KCNK13: variants seen among roughly 807,000 people sequenced by gnomAD.
KCNK13 encodes potassium two pore domain channel subfamily K member 13, also known as potassium channel subfamily K member 13.
A neutral mutation model predicts 23.4 loss-of-function variants in KCNK13; 12 were observed. The ratio of observed to expected loss-of-function variants is 0.51; its 90% confidence interval spans 0.33 to 0.83. The LOEUF is 0.83. Among genes scored for constraint, KCNK13 ranks in the 40% least tolerant of loss-of-function variants. The probability of loss-of-function intolerance (pLI) is 0.02; values close to 1 mark genes in which losing one functional copy is unlikely to be tolerated. For synonymous variants in KCNK13, 231 were observed against 229.5 expected, an observed-to-expected ratio of 1.01 and a Z score of -0.06; for missense variants, 463 against 556.3, an observed-to-expected ratio of 0.83 and a Z score of 1.69.
chr14:90,178,452 G>A (rs574916206), intron 1 of KCNK13, among the ~76,000 whole-genome samples: 22 of 151,826 alleles, frequency 1.4e-4, no homozygotes, highest in African/African-American at 4.3e-4. Flanking sequence ...CCACCACCCC[G>A]GCTAATTTTG....
chr14:90,094,925 G>A (rs972189445), intron 1 of KCNK13, among the ~76,000 whole-genome samples: 1 of 152,120 alleles, frequency 6.6e-6, no homozygotes, highest in Non-Finnish European at 1.5e-5. Context: ...GGGATTACAG[G>A]CGTGAGCCAC....
chr14:90,157,312 G>T (rs190384562), intron 1 of KCNK13, among the ~76,000 whole-genome samples: 1 of 152,264 alleles, frequency 6.6e-6, no homozygotes, highest in African/African-American at 2.4e-5. Flanking sequence ...CTGTACTCGT[G>T]CAGGCCCTTT....
intron 1 of KCNK13, among the ~76,000 whole-genome samples, chr14:90,119,446 G>A (rs1046980860): frequency 1.3e-5 from 2 of 152,048 alleles, no homozygotes; most frequent in African/African-American, 2.4e-5. Flanking sequence ...AATCCACCAC[G>A]ATCAAGTAGG....
At chr14:90,142,663 AT>A (rs1376992589) in intron 1 of KCNK13, among the ~76,000 whole-genome samples, 2 of 152,162 alleles carry the variant, frequency 1.3e-5, no homozygotes, top group Non-Finnish European at 2.9e-5. Flanking sequence ...AACATGTTTC[AT>A]TTCCAAGTGA....
At chr14:90,096,659 T>C (rs1157697287) in intron 1 of KCNK13, among the ~76,000 whole-genome samples, 2 of 152,208 alleles carry the variant, frequency 1.3e-5, no homozygotes, top group African/African-American at 2.4e-5. Flanking sequence ...TAAGGATACA[T>C]ACAGGGGTAG....
At chr14:90,070,743 C>T (rs567990885) in intron 1 of KCNK13, among the ~76,000 whole-genome samples, 1 of 152,216 alleles carries the variant, frequency 6.6e-6, no homozygotes, top group Non-Finnish European at 1.5e-5. Flanking sequence ...GCTTTTAAAG[C>T]ACTTTAATGT....
At chr14:90,125,266 G>A (rs1365220976) in intron 1 of KCNK13, among the ~76,000 whole-genome samples, 4 of 149,512 alleles carry the variant, frequency 2.7e-5, no homozygotes, top group Admixed American at 1.3e-4. Context: ...CTCTGTCGCC[G>A]AGGCTGGAGT....
At chr14:90,085,027 C>T (rs943893902) in intron 1 of KCNK13, among the ~76,000 whole-genome samples, 3 of 152,168 alleles carry the variant, frequency 2.0e-5, no homozygotes, top group African/African-American at 4.8e-5. Context: ...ACTGCAACCT[C>T]TGCCTCCCAG....
chr14:90,097,898 G>A (rs550306547), intron 1 of KCNK13, among the ~76,000 whole-genome samples: 9 of 152,254 alleles, frequency 5.9e-5, no homozygotes, highest in African/African-American at 1.7e-4. Context: ...TATAATGAGG[G>A]GCAGAGGAAG....
intron 1 of KCNK13, among the ~76,000 whole-genome samples, chr14:90,158,842 C>T (rs968423696): frequency 1.3e-5 from 2 of 152,188 alleles, no homozygotes; most frequent in Non-Finnish European, 2.9e-5. Context: ...TGGGACAGGC[C>T]GTAAGAGGAA....
At chr14:90,183,115 C>G (rs1698819186) in intron 1 of KCNK13, among the ~76,000 whole-genome samples, 1 of 152,094 alleles carries the variant, frequency 6.6e-6, no homozygotes, top group South Asian at 2.1e-4. Context: ...ATCCATTGTT[C>G]TACAATATGC....
At chr14:90,079,213 T>C (rs528474814) in intron 1 of KCNK13, among the ~76,000 whole-genome samples, 1 of 152,260 alleles carries the variant, frequency 6.6e-6, no homozygotes, top group Admixed American at 6.5e-5. Context: ...CCCTTCCCTT[T>C]TGAGGCACTG....
intron 1 of KCNK13, among the ~76,000 whole-genome samples, chr14:90,172,176 C>T (rs1014108043): frequency 1.3e-4 from 20 of 151,814 alleles, no homozygotes; most frequent in African/African-American, 4.8e-4. Context: ...AATTAGCTGG[C>T]TGTGGTGGCA....
At chr14:90,095,934 A>T (rs567920692) in intron 1 of KCNK13, among the ~76,000 whole-genome samples, 1 of 152,256 alleles carries the variant, frequency 6.6e-6, no homozygotes, top group South Asian at 2.1e-4. Context: ...GGGTTTGCTT[A>T]CTTTGCTAGA....
chr14:90,111,135 C>T (rs1889611271), intron 1 of KCNK13, among the ~76,000 whole-genome samples: 1 of 152,154 alleles, frequency 6.6e-6, no homozygotes, highest in Admixed American at 6.5e-5. Context: ...AAGTTGAGAA[C>T]TCCAACTTCA....
At chr14:90,119,383 A>G (rs948100233) in intron 1 of KCNK13, among the ~76,000 whole-genome samples, 3 of 152,216 alleles carry the variant, frequency 2.0e-5, no homozygotes, top group Admixed American at 6.5e-5. Context: ...ACATTGATGC[A>G]AAAATCCTCA....
chr14:90,097,570 A>T (rs143045851), intron 1 of KCNK13, among the ~76,000 whole-genome samples: 1 of 152,178 alleles, frequency 6.6e-6, no homozygotes, highest in African/African-American at 2.4e-5. Context: ...TGGTGGGGAC[A>T]TATTCAAACC....
intron 1 of KCNK13, among the ~76,000 whole-genome samples, chr14:90,069,631 T>C (rs574432760): frequency 6.6e-6 from 1 of 152,086 alleles, no homozygotes; most frequent in East Asian, 1.9e-4. Flanking sequence ...TATTTTACAG[T>C]ATAAAGTTAT....
chr14:90,085,345 T>C (rs953872920), intron 1 of KCNK13, among the ~76,000 whole-genome samples: 35 of 152,016 alleles, frequency 2.3e-4, no homozygotes, highest in African/African-American at 8.5e-4. Context: ...GTATTTTGTT[T>C]AGGATTTTTG....
Sources: gnomAD v4.1 joint callset for allele counts (sites outside exome capture counted in the v4.1 genomes callset) on GRCh38, gnomAD v4.1.1 for gene constraint, MANE v1.5 for transcripts, NCBI Gene and HGNC (gene_info 2026-07-23, HGNC 2026-07-21) for gene names.